Variants in LRRC72 observed in about 807,000 individuals in gnomAD.
The protein encoded by LRRC72 is leucine-rich repeat-containing protein 72.
A neutral mutation model predicts 35.8 loss-of-function variants in LRRC72; 41 were observed. The observed-to-expected ratio is 1.15, with a 90% CI of 0.89 to 1.49. The LOEUF (loss-of-function observed/expected upper bound fraction) is 1.49, where lower values mean the gene tolerates loss of function less well. LRRC72 is among the 40% of genes most tolerant of loss of function. The pLI, the probability that LRRC72 is intolerant of heterozygous loss-of-function variation, is 0.00. For synonymous variants in LRRC72, 118 were observed against 119.2 expected, an observed-to-expected ratio of 0.99 and a Z score of 0.07; for missense variants, 389 against 330.7, an observed-to-expected ratio of 1.18 and a Z score of -1.37.
intron 2 of LRRC72, chr7:16,536,781 GAATT>G (rs1175750752): frequency 2.0e-5 from 3 of 152,198 alleles, no homozygotes; most frequent in African/African-American, 7.2e-5. Flanking sequence ...TGCCATAAAT[GAATT>G]AATATCTGTA....
chr7:16,558,830 T>C, intron 4 of LRRC72, 59 bp from the exon 5 acceptor site: 1 of 1,071,904 alleles, frequency 9.3e-7, no homozygotes, highest in Non-Finnish European at 1.3e-6. Flanking sequence ...TTATTTGCAA[T>C]AAAAAAATAA....
chr7:16,551,762 T>C (rs1476486710), intron 3 of LRRC72, among the ~76,000 whole-genome samples: 5 of 151,282 alleles, frequency 3.3e-5, no homozygotes, highest in Non-Finnish European at 7.4e-5. Flanking sequence ...TGTAATATCC[T>C]TTATTAAAAA....
chr7:16,572,839 A>C lies in LRRC72; in HGVS notation c.670+5296A>C, dbSNP rs112009862. Among the ~76,000 whole-genome samples, 679 of 152,250 alleles carry C rather than the reference A, an allele frequency of 4.5e-3. 4 individuals are homozygous for C. Among genetic ancestry groups the C allele is most frequent in the African/African-American group, 0.016 (650 of 41,544 alleles). On this transcript the variant is annotated intron_variant, in intron 7 of 8. Coordinates refer to ENST00000401542, the MANE Select transcript of LRRC72 (RefSeq NM_001195280.2). ...AAGAGAAAGAAATAAAATGTATTCA[A>C]ATAGGAAGAGAGGAAGTCAAACTGT... is the stretch of plus-strand genomic sequence containing the variant.
intron 6 of LRRC72, 61 bp downstream of exon 6, chr7:16,566,463 T>A: frequency 9.2e-7 from 1 of 1,083,364 alleles, no homozygotes; most frequent in Non-Finnish European, 1.3e-6. Context: ...CTCAGCGGTT[T>A]AAAAACGAAG....
chr7:16,556,258 C>T (rs551149791), intron 3 of LRRC72, among the ~76,000 whole-genome samples: 1 of 152,250 alleles, frequency 6.6e-6, no homozygotes, highest in South Asian at 2.1e-4. Flanking sequence ...GATGCGACTT[C>T]TTCACTATAT....
chr7:16,541,121 T>G (rs1312212406), intron 3 of LRRC72, among the ~76,000 whole-genome samples: 1 of 152,134 alleles, frequency 6.6e-6, no homozygotes, highest in Non-Finnish European at 1.5e-5. Context: ...CAAAGCTTTA[T>G]CCAAGCAAAA....
Position 16,537,629 on chromosome 7 carries a change from A to G in LRRC72, c.167A>G (p.Glu56Gly). 1 of 1,522,460 alleles carries G rather than the reference A, an allele frequency of 6.6e-7. No homozygotes were observed. The highest frequency in any genetic ancestry group is 8.8e-7 in the Non-Finnish European group (1 of 1,130,838). The allele number at this position is 1,522,460 out of a possible 1,614,324, so 94.3% of individuals were successfully genotyped here. A position where few individuals can be genotyped will look rare whatever the true frequency, so the allele number is the denominator to read the frequency against. The change falls in exon 3 of 9, where the codon GAA (glutamate) becomes GGA (glycine). Residue 56 changes from glutamate (E) to glycine (G), a missense_variant and splice_region_variant. Transcript: ENST00000401542. ...TCACATTTTTTTTTTCTTTCCAGGG[A>G]ACTGACAGAGGTCATTGATCTTTCT... ...DVFELFLSKK[E>G]LTEVIDLSRF...
chr7:16,563,069 C>T (rs1037836812), intron 5 of LRRC72, among the ~76,000 whole-genome samples: 5 of 152,282 alleles, frequency 3.3e-5, no homozygotes, highest in Middle Eastern at 3.4e-3. Flanking sequence ...AGCTGAACTT[C>T]CTTCCACAGG....
At chr7:16,568,754 A>G (rs940342118) in intron 7 of LRRC72, among the ~76,000 whole-genome samples, 5 of 152,204 alleles carry the variant, frequency 3.3e-5, no homozygotes, top group Non-Finnish European at 7.3e-5. Flanking sequence ...AGGCAAAACC[A>G]TCTTAAAGCA....
intron 3 of LRRC72, among the ~76,000 whole-genome samples, chr7:16,548,952 A>C (rs1184814866): frequency 1.3e-5 from 2 of 152,260 alleles, no homozygotes; most frequent in African/African-American, 4.8e-5. Flanking sequence ...CTACTACAAT[A>C]AGAGCAGAGA....
intron 1 of LRRC72, among the ~76,000 whole-genome samples, chr7:16,529,841 C>A (rs1411356397): frequency 6.6e-6 from 1 of 152,082 alleles, no homozygotes; most frequent in Non-Finnish European, 1.5e-5. Context: ...ATTTTTAAAA[C>A]ATGCATTACT....
intron 3 of LRRC72, among the ~76,000 whole-genome samples, chr7:16,539,692 G>T (rs1782322274): frequency 6.6e-6 from 1 of 152,028 alleles, no homozygotes; most frequent in Non-Finnish European, 1.5e-5. Context: ...AGGACTTGAT[G>T]CCCTGCTTCC....
At chr7:16,532,717 T>A (rs1335087283) in intron 2 of LRRC72, 149 bp downstream of exon 2, 1 of 725,112 alleles carries the variant, frequency 1.4e-6, no homozygotes, top group African/African-American at 1.8e-5. Context: ...GAATCCACAG[T>A]TTTCTATTGG....
intron 7 of LRRC72, among the ~76,000 whole-genome samples, chr7:16,577,120 A>C (rs1281787919): frequency 1.3e-5 from 2 of 152,196 alleles, no homozygotes; most frequent in African/African-American, 4.8e-5. Flanking sequence ...CTACCTATGC[A>C]TGAAGGTTCA....
intron 7 of LRRC72, among the ~76,000 whole-genome samples, chr7:16,572,111 A>G (rs1400038553): frequency 1.3e-5 from 2 of 152,192 alleles, no homozygotes; most frequent in Non-Finnish European, 2.9e-5. Context: ...AACCAGGAAG[A>G]ACTCAAATCC....
chr7:16,557,365 TG>T lies in LRRC72; in HGVS notation c.242del (p.Gly81GlufsTer2). 1 of 1,272,256 alleles carries T rather than the reference TG, an allele frequency of 7.9e-7. No individual in the cohort carries two copies. The highest frequency in any genetic ancestry group is 1.0e-6 in the Non-Finnish European group (1 of 966,388). 78.8% of individuals were successfully genotyped at this position (1,272,256 alleles called of 1,614,324 possible). Reference sequence around the variant, plus strand: ...TCTCTAACTCTCATTTTTAGCTCCATGGAATAACATTTCTAACTAGAAACTA... The same window carrying T: ...TCTCTAACTCTCATTTTTAGCTCCATGAATAACATTTCTAACTAGAAACTA... ...YLWLHHNKLH[G>X]ITFLTRNYCL... On this transcript the variant is annotated frameshift_variant, in exon 4 of 9. Coordinates refer to ENST00000401542, the MANE Select transcript of LRRC72 (RefSeq NM_001195280.2). LOFTEE classifies it high-confidence loss of function.
intron 7 of LRRC72, among the ~76,000 whole-genome samples, chr7:16,577,581 T>C (rs1391336137): frequency 6.6e-6 from 1 of 152,162 alleles, no homozygotes; most frequent in Admixed American, 6.5e-5. Context: ...ACAACTAGTA[T>C]GTATCATAAT....
rs1783143208 is a variant in LRRC72, at chr7:16,581,517, G to A, written c.*28G>A. ...CCTGGTATTTCTAGATATCTTAGTG[G>A]TTTTCAGTTGTATATTAAACTTCCC... On this transcript the variant is annotated 3_prime_UTR_variant, in exon 9 of 9. Coordinates refer to ENST00000401542, the MANE Select transcript of LRRC72 (RefSeq NM_001195280.2). 6.8e-7 allele frequency: 1 copy of A among 1,471,380 alleles called. No homozygotes were observed. Among genetic ancestry groups the A allele is most frequent in the East Asian group, 2.6e-5 (1 of 38,912 alleles). 91.1% of individuals were successfully genotyped at this position (1,471,380 alleles called of 1,614,324 possible).
At chr7:16,540,178 G>C (rs1383421499) in intron 3 of LRRC72, among the ~76,000 whole-genome samples, 1 of 152,214 alleles carries the variant, frequency 6.6e-6, no homozygotes. Flanking sequence ...CAAGGCCATA[G>C]GAGCCCACCC....
Sources: gnomAD v4.1 joint callset for allele counts (sites outside exome capture counted in the v4.1 genomes callset) on GRCh38, gnomAD v4.1.1 for gene constraint, MANE v1.5 for transcripts, NCBI Gene and HGNC (gene_info 2026-07-23, HGNC 2026-07-21) for gene names.